Variants in CCDC7 observed in about 807,000 individuals in gnomAD.
CCDC7 encodes coiled-coil domain containing 7, also known as coiled-coil domain-containing protein 7.
A neutral mutation model predicts 196.9 loss-of-function variants in CCDC7; 183 were observed. The ratio of observed to expected loss-of-function variants is 0.93; its 90% CI spans 0.82 to 1.05. The LOEUF (loss-of-function observed/expected upper bound fraction) is 1.05. CCDC7 is among the 50% of genes least tolerant of loss of function. CCDC7 has a pLI of 0.00. For synonymous variants in CCDC7, 525 were observed against 484.6 expected (o/e 1.08, Z -1.10); for missense variants, 1,540 against 1,482.2 (o/e 1.04, Z -0.64).
chr10:32,807,358 C>T (rs1403308348), intron 30 of CCDC7, among the ~76,000 whole-genome samples: 1 of 151,954 alleles, frequency 6.6e-6, no homozygotes, highest in Non-Finnish European at 1.5e-5. Flanking sequence ...TGTTAGCACA[C>T]AGGCGATGGT....
At chr10:32,799,334 C>G (rs563191108) in intron 29 of CCDC7, among the ~76,000 whole-genome samples, 4 of 152,308 alleles carry the variant, frequency 2.6e-5, no homozygotes, top group Admixed American at 2.0e-4. Context: ...GCATCCCTAT[C>G]TGCCACTGAC....
At chr10:32,662,113 C>A (rs769405831) in intron 20 of CCDC7, among the ~76,000 whole-genome samples, 11 of 152,160 alleles carry the variant, frequency 7.2e-5, no homozygotes, top group Non-Finnish European at 1.5e-4. Flanking sequence ...CTTGATTTTT[C>A]TTTCTGCCAT....
chr10:32,502,123 G>A (rs1309664980), intron 9 of CCDC7, among the ~76,000 whole-genome samples: 1 of 152,204 alleles, frequency 6.6e-6, no homozygotes, highest in Non-Finnish European at 1.5e-5. Flanking sequence ...TGCTGTGCTA[G>A]CAGAGATAAT....
chr10:32,646,482 A>T (rs960410615), intron 20 of CCDC7, among the ~76,000 whole-genome samples: 1 of 152,164 alleles, frequency 6.6e-6, no homozygotes, highest in Non-Finnish European at 1.5e-5. Context: ...TATGGTGAAG[A>T]ATGTATATTC....
intron 41 of CCDC7, among the ~76,000 whole-genome samples, chr10:32,871,922 C>T (rs556400277): frequency 3.3e-5 from 5 of 152,138 alleles, no homozygotes; most frequent in East Asian, 1.9e-4. Flanking sequence ...TGAGTGAGTT[C>T]CTTAATCCTG....
At chr10:32,558,293 T>A (rs73253453) in intron 13 of CCDC7, among the ~76,000 whole-genome samples, 8,062 of 152,232 alleles carry the variant, frequency 0.053, 710 homozygotes, top group African/African-American at 0.18. Context: ...CTTTAATATA[T>A]AATTAACACT....
At chr10:32,819,055 G>T (rs1037071817) in intron 31 of CCDC7, among the ~76,000 whole-genome samples, 8 of 152,022 alleles carry the variant, frequency 5.3e-5, no homozygotes, top group African/African-American at 1.9e-4. Context: ...CAACAAAATT[G>T]ATAGACCACT....
intron 25 of CCDC7, among the ~76,000 whole-genome samples, chr10:32,714,405 G>A (rs11009051): frequency 0.14 from 21,007 of 152,166 alleles, 1,750 homozygotes; most frequent in East Asian, 0.24. Context: ...TTCGCATCAC[G>A]CAGACCAGGA....
At chr10:32,546,644 T>A (rs1271716184) in intron 13 of CCDC7, among the ~76,000 whole-genome samples, 1 of 152,366 alleles carries the variant, frequency 6.6e-6, no homozygotes, top group East Asian at 1.9e-4. Flanking sequence ...TAAAATGTAC[T>A]ATTTTGTAGC....
intron 13 of CCDC7, among the ~76,000 whole-genome samples, chr10:32,561,904 CA>C: frequency 6.6e-6 from 1 of 151,938 alleles, no homozygotes; most frequent in Non-Finnish European, 1.5e-5. Context: ...AGACCACTAG[CA>C]ATATTAATAA....
At chr10:32,711,779 A>G (rs778784514) in intron 25 of CCDC7, 49 bp downstream of exon 26, 1 of 1,185,328 alleles carries the variant, frequency 8.4e-7, no homozygotes, top group Non-Finnish European at 1.2e-6. Flanking sequence ...GTAAATCTCA[A>G]AAGAACTTTT....
chr10:32,722,908 C>T (rs1217242115), intron 25 of CCDC7, among the ~76,000 whole-genome samples: 1 of 152,106 alleles, frequency 6.6e-6, no homozygotes, highest in Non-Finnish European at 1.5e-5. Context: ...TGTTATATGA[C>T]CACCGTTCTT....
At chr10:32,678,178 G>T (rs2075321203) in intron 21 of CCDC7, among the ~76,000 whole-genome samples, 1 of 151,868 alleles carries the variant, frequency 6.6e-6, no homozygotes, top group South Asian at 2.1e-4. Context: ...GCTTGTTTAA[G>T]GCCATTATTT....
intron 3 of CCDC7, among the ~76,000 whole-genome samples, chr10:32,461,709 GTATATATATATATATA>G (rs771403958): frequency 6.4e-4 from 37 of 57,486 alleles, no homozygotes; most frequent in Admixed American, 4.2e-3. Context: ...GTGTGTGTGT[GTATATATATATATATA>G]TATATGTATA....
chr10:32,797,831 A>T (rs1362441006), intron 29 of CCDC7, among the ~76,000 whole-genome samples: 1 of 152,082 alleles, frequency 6.6e-6, no homozygotes, highest in East Asian at 1.9e-4. Context: ...TTCAGAGCAT[A>T]TACAGCCTTC....
rs545591439 is a variant in CCDC7 at position 32,480,307 on chromosome 10, T to A, written c.796+6284T>A. ...TTATTTGAGCTCTTTTGTCTTTTTT[T>A]AATGTATACTTTATTTATTTACTTA... On this transcript the variant is annotated intron_variant, in intron 8 of 41. Coordinates refer to ENST00000639629, the Ensembl canonical transcript of CCDC7. 9.8e-4 allele frequency among the ~76,000 whole-genome samples: 149 copies of A among 152,184 alleles called. 1 individual carries two copies. Among genetic ancestry groups the A allele is most frequent in the African/African-American group, 3.3e-3 (138 of 41,532 alleles).
At chr10:32,512,068 GAAAT>G (rs373389861) in intron 9 of CCDC7, 53 of 231,250 alleles carry the variant, frequency 2.3e-4, no homozygotes, top group East Asian at 1.0e-3. Context: ...TGCATATTGA[GAAAT>G]AAATAAATAG....
intron 24 of CCDC7, among the ~76,000 whole-genome samples, chr10:32,702,644 T>G (rs1052739337): frequency 1.3e-5 from 2 of 152,186 alleles, no homozygotes; most frequent in Non-Finnish European, 2.9e-5. Flanking sequence ...ATTATTATTG[T>G]GTGGGAGTCT....
At position 32,707,368 on chromosome 10, in the gene CCDC7, T is replaced by C. The variant is rs575641940; in HGVS notation, c.2459-4252T>C. Among the ~76,000 whole-genome samples the C allele has an allele frequency of 1.4e-3, 220 of 152,334 alleles. 1 individual carries two copies. Among genetic ancestry groups the C allele is most frequent in the African/African-American group, 5.0e-3 (209 of 41,568 alleles). On this transcript the variant is annotated intron_variant, in intron 24 of 41. Transcript: ENST00000639629. Reference sequence around the variant, plus strand: ...GACAAACCCACAGCCAATATCATACTGAGTGGGCAAAAACTGGAAGCATTC... The same window carrying C: ...GACAAACCCACAGCCAATATCATACCGAGTGGGCAAAAACTGGAAGCATTC...
Sources: allele counts gnomAD v4.1 joint callset (sites outside exome capture counted in the v4.1 genomes callset), GRCh38; gene constraint gnomAD v4.1.1; transcripts MANE v1.5; gene names NCBI Gene and HGNC (gene_info 2026-07-23, HGNC 2026-07-21).